DNAI1: variants seen among roughly 807,000 people sequenced by gnomAD.
DNAI1 encodes the protein dynein, axonemal, intermediate polypeptide 1.
DNAI1 carries 67 observed loss-of-function variants against 92.0 expected under a neutral mutation model. That is an observed-to-expected ratio of 0.73 (90% CI 0.60 to 0.89). The LOEUF (loss-of-function observed/expected upper bound fraction) is 0.89, where lower values mean the gene tolerates loss of function less well. Among genes scored for constraint, DNAI1 ranks in the 40% least tolerant of loss-of-function variants. DNAI1 has a pLI of 0.00. For missense variants in DNAI1, 839 were observed against 866.6 expected, an observed-to-expected ratio of 0.97 and a Z score of 0.40; for synonymous variants, 323 against 319.6, an observed-to-expected ratio of 1.01 and a Z score of -0.11.
In DNAI1 at chr9:34,473,273, CTTATTATTA is replaced by C. The variant is rs5897573; in HGVS notation, c.49-10148_49-10140del. Among the ~76,000 whole-genome samples, 80 of 146,086 alleles carry C rather than the reference CTTATTATTA, an allele frequency of 5.5e-4. 1 individual carries two copies. Among genetic ancestry groups the C allele is most frequent in the East Asian group, 4.0e-3 (20 of 5,058 alleles). ...TACATTGTGGAATGGCTAAATCAAG[CTTATTATTA>C]TTATTATTATTATTATTATTATTAT... is the stretch of plus-strand genomic sequence containing the variant. On this transcript the variant is annotated intron_variant, in intron 1 of 19. Coordinates refer to ENST00000242317, the MANE Select transcript of DNAI1 (RefSeq NM_012144.4).
intron 9 of DNAI1, among the ~76,000 whole-genome samples, chr9:34,493,847 T>C (rs1367707468): frequency 3.9e-5 from 6 of 152,270 alleles, no homozygotes; most frequent in African/African-American, 1.4e-4. Flanking sequence ...CACCCTGGGC[T>C]AGATTTTCCA....
At chr9:34,468,854 A>T (rs1413723639) in intron 1 of DNAI1, among the ~76,000 whole-genome samples, 1 of 151,738 alleles carries the variant, frequency 6.6e-6, no homozygotes, top group Non-Finnish European at 1.5e-5. Context: ...GAAAAAGAAA[A>T]AACAGGTGCC....
intron 10 of DNAI1, among the ~76,000 whole-genome samples, chr9:34,498,848 CA>C (rs1311788304): frequency 6.6e-6 from 1 of 152,152 alleles, no homozygotes; most frequent in African/African-American, 2.4e-5. Flanking sequence ...CATTATCATT[CA>C]GGCTGGAAAA....
chr9:34,512,241 G>T, intron 14 of DNAI1, 43 bp downstream of exon 14: 1 of 1,612,366 alleles, frequency 6.2e-7, no homozygotes, highest in South Asian at 1.1e-5. Context: ...TGATTGGGGA[G>T]GCAGGGAGCT....
intron 7 of DNAI1, among the ~76,000 whole-genome samples, chr9:34,491,023 C>T (rs1824580863): frequency 6.6e-6 from 1 of 152,216 alleles, no homozygotes; most frequent in Non-Finnish European, 1.5e-5. Flanking sequence ...TTGACAGTGC[C>T]TCATCACCCT....
intron 1 of DNAI1, among the ~76,000 whole-genome samples, chr9:34,483,177 A>G (rs1824404112): frequency 6.6e-6 from 1 of 152,120 alleles, no homozygotes; most frequent in African/African-American, 2.4e-5. Context: ...ACCTCCCTGC[A>G]AGCTGAGGGA....
chr9:34,489,301 G>A (rs2132060950), intron 4 of DNAI1, 22 bp from the exon 5 acceptor site: 2 of 1,613,552 alleles, frequency 1.2e-6, no homozygotes, highest in South Asian at 1.1e-5. Flanking sequence ...TCCCTGGTCT[G>A]ACTCAGCCCC....
In DNAI1 at chr9:34,500,849, G is replaced by C. The variant is rs1554689742; in HGVS notation, c.1019+10G>C. On this transcript the variant is annotated intron_variant, in intron 11 of 19. Transcript: ENST00000242317. Reference sequence around the variant, plus strand: ...TCACTGCCCTCTGCTGGTAAGTATAGGCATTGCAGCAAATGCAGAGCCCCT... The same window carrying C: ...TCACTGCCCTCTGCTGGTAAGTATACGCATTGCAGCAAATGCAGAGCCCCT... The C allele has an allele frequency of 1.2e-6, 2 of 1,608,764 alleles. No homozygotes were observed. Among genetic ancestry groups the C allele is most frequent in the Non-Finnish European group, 8.5e-7 (1 of 1,175,232 alleles).
Position 34,514,755 on chromosome 9 carries a change from C to G in DNAI1, c.1818+16C>G. ...AGATGGGAAGGTGAGTGCCAGCGTC[C>G]TGACTTCACTGAGTCCCTACTGGAG... On this transcript the variant is annotated intron_variant, in intron 18 of 19. Transcript: ENST00000242317. 1 of 1,612,724 alleles carries G rather than the reference C, an allele frequency of 6.2e-7. No homozygotes were observed. Among genetic ancestry groups the G allele is most frequent in the Non-Finnish European group, 8.5e-7 (1 of 1,179,070 alleles).
chr9:34,490,439 AGT>A lies in DNAI1; in HGVS notation c.573_574del (p.Gln191HisfsTer5). 2 of 1,614,210 alleles carry A rather than the reference AGT, an allele frequency of 1.2e-6. No homozygotes were observed. Among genetic ancestry groups the A allele is most frequent in the Non-Finnish European group, 1.7e-6 (2 of 1,180,030 alleles). ...CCCAAGGAGAGAAAGCTCACTAACCAGTTCAACTTCAGTGAGAGGGCCTCACA... is the reference window on the plus strand; with the variant it reads ...CCCAAGGAGAGAAAGCTCACTAACCATCAACTTCAGTGAGAGGGCCTCACA... On this transcript the variant is annotated frameshift_variant, in exon 7 of 20. Coordinates refer to ENST00000242317, the MANE Select transcript of DNAI1 (RefSeq NM_012144.4). LOFTEE classifies it high-confidence loss of function.
intron 18 of DNAI1, among the ~76,000 whole-genome samples, chr9:34,515,339 C>T (rs917480373): frequency 2.6e-5 from 4 of 152,186 alleles, no homozygotes; most frequent in South Asian, 2.1e-4. Flanking sequence ...TTCTAAAGTC[C>T]GTCAGTCATC....
intron 11 of DNAI1, 133 bp from the exon 12 acceptor site, chr9:34,501,005 C>T: frequency 2.0e-6 from 2 of 986,806 alleles, no homozygotes; most frequent in Non-Finnish European, 3.3e-6. Context: ...CCAGGACTCC[C>T]AAGTGGTGAG....
At chr9:34,477,930 T>C (rs1185225440) in intron 1 of DNAI1, among the ~76,000 whole-genome samples, 19 of 143,006 alleles carry the variant, frequency 1.3e-4, no homozygotes, top group Non-Finnish European at 2.6e-4. Flanking sequence ...CTCTCTTTTT[T>C]TTTTTTTTTT....
chr9:34,477,463 A>T (rs987764737), intron 1 of DNAI1, among the ~76,000 whole-genome samples: 2 of 152,180 alleles, frequency 1.3e-5, no homozygotes, highest in Non-Finnish European at 2.9e-5. Context: ...GTGCATAAAT[A>T]GCTTAGTAAA....
In DNAI1 at chr9:34,491,517, C is replaced by T. The variant is rs755122846; in HGVS notation, c.644C>T (p.Pro215Leu). 4.4e-5 allele frequency: 71 copies of T among 1,614,058 alleles called. No homozygotes were observed. The highest frequency in any genetic ancestry group is 5.3e-5 in the Non-Finnish European group (62 of 1,180,042). ...TAGGATCGAGAATGCCAGACGGAGCCTCCTCCCAGGACAAACTTTTCAGCC... is the reference window on the plus strand; with the variant it reads ...TAGGATCGAGAATGCCAGACGGAGCTTCCTCCCAGGACAAACTTTTCAGCC... ...PVRDRECQTE[P>L]PPRTNFSATA... Residue 215 changes from proline to leucine, a missense_variant, in exon 8 of 20, where the codon CCT becomes CTT. Pro to Leu is a moderately conservative substitution (Grantham distance 98). Transcript: ENST00000242317.
intron 17 of DNAI1, 45 bp from the exon 18 acceptor site, chr9:34,514,595 T>C (rs778735626): frequency 6.2e-7 from 1 of 1,614,156 alleles, no homozygotes; most frequent in Non-Finnish European, 8.5e-7. Context: ...GCTATGGCAC[T>C]GTGAGCCCTC....
chr9:34,464,791 C>T (rs1824007831), intron 1 of DNAI1, among the ~76,000 whole-genome samples: 1 of 151,952 alleles, frequency 6.6e-6, no homozygotes, highest in South Asian at 2.1e-4. Context: ...AATGAGTGAT[C>T]AACTGTGGTT....
intron 8 of DNAI1, among the ~76,000 whole-genome samples, chr9:34,492,526 A>ATATATATATATG (rs1824629940): frequency 5.0e-5 from 5 of 100,726 alleles, no homozygotes. Context: ...ATATATATAT[A>ATATATATATATG]TATATATATT....
chr9:34,491,941 C>T (rs1320370456), intron 8 of DNAI1, among the ~76,000 whole-genome samples: 4 of 152,214 alleles, frequency 2.6e-5, no homozygotes, highest in Non-Finnish European at 4.4e-5. Context: ...TCCCAGCAGC[C>T]TTCAGTGTTC....
Sources: gnomAD v4.1 joint callset for allele counts (sites outside exome capture counted in the v4.1 genomes callset) on GRCh38, gnomAD v4.1.1 for gene constraint, MANE v1.5 for transcripts, NCBI Gene and HGNC (gene_info 2026-07-23, HGNC 2026-07-21) for gene names.